Variants in FGD5 observed in about 807,000 individuals in gnomAD.
The protein encoded by FGD5 is FYVE, RhoGEF and PH domain-containing protein 5.
FGD5 carries 28 observed loss-of-function variants against 133.4 expected under a neutral mutation model. That is an observed-to-expected ratio of 0.21 (90% CI 0.16 to 0.29). The LOEUF (loss-of-function observed/expected upper bound fraction) is 0.29, where lower values mean the gene tolerates loss of function less well. Ranked by LOEUF, FGD5 falls within the 10% of genes least tolerant of loss-of-function variation. The probability of loss-of-function intolerance (pLI) is 1.00; values close to 1 mark genes in which losing one functional copy is unlikely to be tolerated. For synonymous variants in FGD5, 810 were observed against 776.5 expected (o/e 1.04, Z -0.72); for missense variants, 1,858 against 1,895.2 (o/e 0.98, Z 0.36).
At chr3:14,880,958 C>T (rs1030650546) in intron 4 of FGD5, among the ~76,000 whole-genome samples, 186 bp downstream of exon 4, 3 of 152,174 alleles carry the variant, frequency 2.0e-5, no homozygotes, top group African/African-American at 4.8e-5. Flanking sequence ...GGGCAGACAG[C>T]GGATGCGTCT....
At chr3:14,921,838 T>G in intron 13 of FGD5, 80 bp from the exon 14 acceptor site, 2 of 1,363,766 alleles carry the variant, frequency 1.5e-6, no homozygotes, top group Non-Finnish European at 1.0e-6. Context: ...GGCATCTGAG[T>G]GAGAACCTCA....
In FGD5 at chr3:14,888,888, CTG is replaced by C. The variant is rs1409795417; in HGVS notation, c.2748+8119_2748+8120del. Among the ~76,000 whole-genome samples the C allele has an allele frequency of 2.6e-5, 4 of 152,134 alleles. No homozygotes were observed. The East Asian group carries it at 7.7e-4, about 29-fold the overall frequency. On this transcript the variant is annotated intron_variant, in intron 4 of 19. Transcript: ENST00000285046. The stretch of plus-strand genomic sequence containing the variant: ...AGCAGCGTCAGCATCACCTGGGAAA[CTG>C]TGAGAAATGAAAATTATCCCGCCCC...
chr3:14,909,717 C>A (rs1490626704), intron 10 of FGD5, among the ~76,000 whole-genome samples: 2 of 151,474 alleles, frequency 1.3e-5, no homozygotes, highest in Admixed American at 6.6e-5. Flanking sequence ...TGCTTACACA[C>A]AAATTCAACA....
chr3:14,880,964 C>T (rs1032689082), intron 4 of FGD5, among the ~76,000 whole-genome samples, 192 bp downstream of exon 4: 1 of 152,172 alleles, frequency 6.6e-6, no homozygotes, highest in Non-Finnish European at 1.5e-5. Context: ...ACAGCGGATG[C>T]GTCTCCTTGC....
At chr3:14,901,175 TTGTG>T in intron 9 of FGD5, 114 bp downstream of exon 9, 1 of 1,115,110 alleles carries the variant, frequency 9.0e-7, no homozygotes, top group Non-Finnish European at 1.4e-6. Context: ...ACCGTCTCTC[TTGTG>T]GGACTCTGCA....
chr3:14,899,183 G>A (rs2038192113), intron 7 of FGD5, among the ~76,000 whole-genome samples: 1 of 152,040 alleles, frequency 6.6e-6, no homozygotes. Flanking sequence ...TTCAGCCTTG[G>A]ACCTGCTGGA....
intron 1 of FGD5, among the ~76,000 whole-genome samples, chr3:14,850,538 A>G (rs2037139407): frequency 6.6e-6 from 1 of 152,162 alleles, no homozygotes; most frequent in Non-Finnish European, 1.5e-5. Flanking sequence ...GATGGGAGGA[A>G]GTCACCTCCA....
intron 19 of FGD5, 23 bp from the exon 20 acceptor site, chr3:14,933,108 G>A (rs1161913870): frequency 3.1e-6 from 5 of 1,612,130 alleles, no homozygotes; most frequent in Non-Finnish European, 4.2e-6. Context: ...AAAACCAAAT[G>A]TCCTCCCTGT....
intron 4 of FGD5, among the ~76,000 whole-genome samples, chr3:14,891,136 G>A (rs1288862249): frequency 6.6e-6 from 1 of 152,158 alleles, no homozygotes; most frequent in Non-Finnish European, 1.5e-5. Context: ...GGATGCCAGG[G>A]CTCAGAAGAG....
In FGD5 at chr3:14,868,372, T is replaced by C. The variant is rs1030799082; in HGVS notation, c.2658+4112T>C. 3.3e-5 allele frequency among the ~76,000 whole-genome samples: 5 copies of C among 152,266 alleles called. No individual in the cohort carries two copies. In the East Asian group the frequency reaches 5.8e-4, roughly 18 times the overall value. ...CTCACGCCCTCTGTGGCAGGTCTGCTCCTGCCCAGCAGGGCCCACATGCCC... is the reference window on the plus strand; with the variant it reads ...CTCACGCCCTCTGTGGCAGGTCTGCCCCTGCCCAGCAGGGCCCACATGCCC... On this transcript the variant is annotated intron_variant, in intron 2 of 19. Transcript: ENST00000285046.
chr3:14,866,672 C>T (rs2037500162), intron 2 of FGD5, among the ~76,000 whole-genome samples: 1 of 152,208 alleles, frequency 6.6e-6, no homozygotes, highest in South Asian at 2.1e-4. Flanking sequence ...TAGAACAATG[C>T]ATGCCACTCA....
chr3:14,833,435 A>G (rs2036756792), intron 1 of FGD5, among the ~76,000 whole-genome samples: 1 of 152,222 alleles, frequency 6.6e-6, no homozygotes, highest in South Asian at 2.1e-4. Flanking sequence ...TCTATCTTAC[A>G]GAATCTGCTC....
chr3:14,885,198 A>G (rs2037901774), intron 4 of FGD5, among the ~76,000 whole-genome samples: 1 of 151,436 alleles, frequency 6.6e-6, no homozygotes, highest in South Asian at 2.1e-4. Context: ...ACAAAAGAGT[A>G]TATTTGGAAG....
chr3:14,814,843 T>G (rs1240858539), upstream of FGD5, among the ~76,000 whole-genome samples: 1 of 152,204 alleles, frequency 6.6e-6, no homozygotes, highest in African/African-American at 2.4e-5. Flanking sequence ...TGGCAGAAAC[T>G]TCAGCTTTCT....
At chr3:14,867,535 A>G (rs1044319320) in intron 2 of FGD5, among the ~76,000 whole-genome samples, 2 of 152,142 alleles carry the variant, frequency 1.3e-5, no homozygotes, top group African/African-American at 4.8e-5. Context: ...CATATTTTAA[A>G]TCTCCATATC....
chr3:14,912,594 G>A (rs2038471240), intron 11 of FGD5, among the ~76,000 whole-genome samples: 1 of 152,198 alleles, frequency 6.6e-6, no homozygotes, highest in African/African-American at 2.4e-5. Context: ...ACTGCCTGCT[G>A]TAACATTCAT....
At chr3:14,927,457 AAAAAT>A (rs1354737521) in intron 18 of FGD5, among the ~76,000 whole-genome samples, 2 of 152,228 alleles carry the variant, frequency 1.3e-5, no homozygotes, top group Non-Finnish European at 2.9e-5. Context: ...TATCTCAACG[AAAAAT>A]AAAATGAATG....
At position 14,922,201 on chromosome 3, in the gene FGD5, C is replaced by T; in HGVS notation, c.3669+184C>T. The T allele has an allele frequency of 1.0e-6, 1 of 975,850 alleles. No homozygotes were observed. The highest frequency in any genetic ancestry group is 1.5e-6 in the Non-Finnish European group (1 of 660,804). The allele number at this position is 975,850 out of a possible 1,614,324, so 60.4% of individuals were successfully genotyped here. ...GGCGGCCTCCGTGTAACCTAGGAGC[C>T]CAGCACCCACAGTCTTGTTCTCACA... On this transcript the variant is annotated intron_variant, in intron 14 of 19. Transcript: ENST00000285046. This position sits in a 1 kb window ranked among gnomAD's most constrained non-coding sequence, Gnocchi z 4.1.
chr3:14,913,622 C>G (rs2038493704), intron 11 of FGD5, among the ~76,000 whole-genome samples: 1 of 152,208 alleles, frequency 6.6e-6, no homozygotes, highest in African/African-American at 2.4e-5. Flanking sequence ...GGGCAGAGCT[C>G]TGTCTTGGCC....
Sources: allele counts gnomAD v4.1 joint callset (sites outside exome capture counted in the v4.1 genomes callset), GRCh38; gene constraint gnomAD v4.1.1; non-coding constraint Gnocchi (gnomAD v3.1); transcripts MANE v1.5; gene names NCBI Gene and HGNC (gene_info 2026-07-23, HGNC 2026-07-21).